Variants in ZNF610 observed in about 807,000 individuals in gnomAD.
The protein encoded by ZNF610 is zink finger protein.
Under a neutral mutation model 14.1 loss-of-function variants are expected in ZNF610, and 14 were observed. The observed-to-expected ratio is 0.99, with a 90% CI of 0.65 to 1.55. The LOEUF (loss-of-function observed/expected upper bound fraction) is 1.55, where lower values mean the gene tolerates loss of function less well. Ranked by LOEUF, ZNF610 falls within the 40% of genes most tolerant of loss-of-function variation. ZNF610 has a pLI of 0.00. For synonymous variants in ZNF610, 185 were observed against 187.6 expected, an observed-to-expected ratio of 0.99 and a Z score of 0.11; for missense variants, 530 against 558.0, an observed-to-expected ratio of 0.95 and a Z score of 0.51.
chr19:52,341,813 A>C (rs898810640), intron 1 of ZNF610, among the ~76,000 whole-genome samples: 1 of 150,520 alleles, frequency 6.6e-6, no homozygotes, highest in African/African-American at 2.4e-5. Flanking sequence ...TTATTTACTT[A>C]TTTATTTATT....
intron 2 of ZNF610, 98 bp from the exon 3 acceptor site, chr19:52,349,056 C>A: frequency 1.2e-6 from 1 of 808,076 alleles, no homozygotes; most frequent in Admixed American, 2.5e-5. Context: ...CAGAGGACAT[C>A]TTTCCGCAGG....
At chr19:52,346,084 C>G (rs557899217) in intron 1 of ZNF610, among the ~76,000 whole-genome samples, 1 of 151,502 alleles carries the variant, frequency 6.6e-6, no homozygotes, top group East Asian at 1.9e-4. Flanking sequence ...CTGCAACCTC[C>G]GCTTTCTGGG....
At chr19:52,356,928 C>T (rs1425222045) in intron 5 of ZNF610, among the ~76,000 whole-genome samples, 1 of 152,164 alleles carries the variant, frequency 6.6e-6, no homozygotes, top group East Asian at 1.9e-4. Context: ...AGTTTTACTT[C>T]CACCAATAAG....
intron 1 of ZNF610, among the ~76,000 whole-genome samples, chr19:52,346,491 T>G (rs1456386613): frequency 6.6e-6 from 1 of 151,858 alleles, no homozygotes; most frequent in Admixed American, 6.6e-5. Flanking sequence ...AGAGGCAGGG[T>G]TTTACCATTT....
rs991251132 is a variant in ZNF610, at chr19:52,365,991, G to T, written c.613G>T (p.Glu205Ter). ...CATTAGAGGAAAATCTTATGAATAT[G>T]AATGTAGTGAAGATGGTGAAGTTTT... ...AYIRGKSYEY[E>*]CSEDGEVFRV... The change falls in exon 6 of 6, where the codon GAA becomes TAA. Residue 205 changes from glutamate to a stop codon, truncating the protein, a stop_gained. Transcript: ENST00000403906. LOFTEE classifies it low-confidence loss of function (END_TRUNC). 1.9e-6 allele frequency: 3 copies of T among 1,613,994 alleles called. No individual in the cohort carries two copies. The highest frequency in any genetic ancestry group is 2.7e-5 in the African/African-American group (2 of 74,908).
intron 1 of ZNF610, among the ~76,000 whole-genome samples, chr19:52,345,915 A>G (rs974036658): frequency 6.6e-5 from 10 of 151,200 alleles, no homozygotes; most frequent in African/African-American, 2.5e-4. Context: ...CATGTTAGCC[A>G]GGATGGTCTC....
chr19:52,365,352 T>C (rs150210377), intron 5 of ZNF610, among the ~76,000 whole-genome samples: 72 of 152,318 alleles, frequency 4.7e-4, no homozygotes, highest in Middle Eastern at 6.8e-3. Flanking sequence ...CCTAGCTTTA[T>C]GCGTATATTA....
chr19:52,358,492 A>G (rs1419704353), intron 5 of ZNF610, among the ~76,000 whole-genome samples: 2 of 152,044 alleles, frequency 1.3e-5, no homozygotes, highest in African/African-American at 4.8e-5. Context: ...TCCTTTTTCT[A>G]TTTGTTAATC....
upstream of ZNF610, among the ~76,000 whole-genome samples, chr19:52,335,330 C>T (rs953327668): frequency 1.6e-4 from 25 of 152,256 alleles, 1 homozygote; most frequent in Admixed American, 1.4e-3. Flanking sequence ...GGGACAGGAC[C>T]CATCGCCGAA....
chr19:52,361,555 G>A (rs897316912), intron 5 of ZNF610, among the ~76,000 whole-genome samples: 1 of 148,028 alleles, frequency 6.8e-6, no homozygotes, highest in Non-Finnish European at 1.5e-5. Flanking sequence ...TGAGGCTTAC[G>A]CTTCATTTTT....
intron 3 of ZNF610, among the ~76,000 whole-genome samples, chr19:52,350,302 T>C (rs1985188424): frequency 6.6e-6 from 1 of 152,208 alleles, no homozygotes; most frequent in Non-Finnish European, 1.5e-5. Context: ...CTGTGCAGTT[T>C]CCCACCCTCC....
intron 1 of ZNF610, among the ~76,000 whole-genome samples, chr19:52,340,243 G>A (rs1984618009): frequency 6.6e-6 from 1 of 152,152 alleles, no homozygotes; most frequent in South Asian, 2.1e-4. Flanking sequence ...AATTAGCTGG[G>A]CGTAGTGGCT....
Position 52,366,367 on chromosome 19 carries a change from C to A in ZNF610, c.989C>A (p.Ser330Tyr), listed in dbSNP as rs1986054075. The change falls in exon 6 of 6, where the codon TCT becomes TAT. Residue 330 changes from serine to tyrosine, a missense_variant. Physicochemically the swap from Ser to Tyr is moderately radical, Grantham distance 144. Coordinates refer to ENST00000403906, the MANE Select transcript of ZNF610 (RefSeq NM_001161425.2). ...GGCAAGAACTTCAGGCACAAATTTT[C>A]TCTAACCAATCATCAGAGAAGTCAC... The part of the protein sequence containing the change: ...ECGKNFRHKF[S>Y]LTNHQRSHTA... The A allele has an allele frequency of 3.1e-6, 5 of 1,613,184 alleles. No individual in the cohort carries two copies. Among genetic ancestry groups the A allele is most frequent in the Non-Finnish European group, 4.2e-6 (5 of 1,179,788 alleles).
intron 1 of ZNF610, among the ~76,000 whole-genome samples, chr19:52,346,328 C>A (rs577356204): frequency 2.7e-5 from 4 of 150,928 alleles, no homozygotes; most frequent in Non-Finnish European, 5.9e-5. Context: ...CCATGCCCAG[C>A]TAATTTTTGT....
At chr19:52,339,576 G>C (rs1984571406) in intron 1 of ZNF610, among the ~76,000 whole-genome samples, 1 of 146,844 alleles carries the variant, frequency 6.8e-6, no homozygotes, top group Non-Finnish European at 1.5e-5. Context: ...AACACAGCAC[G>C]TGTTTCTGCG....
At chr19:52,331,668 G>A (rs967793276), upstream of ZNF610, among the ~76,000 whole-genome samples, 1 of 152,170 alleles carries the variant, frequency 6.6e-6, no homozygotes, top group Non-Finnish European at 1.5e-5. Flanking sequence ...GTTATCTAAT[G>A]AGAAATCTAG....
intron 2 of ZNF610, among the ~76,000 whole-genome samples, chr19:52,348,781 C>T (rs1476380892): frequency 1.3e-5 from 2 of 152,136 alleles, no homozygotes; most frequent in Non-Finnish European, 2.9e-5. Flanking sequence ...TGAGCACCAA[C>T]GCTCTGTGTC....
chr19:52,353,441 A>T (rs1985356469), intron 3 of ZNF610, among the ~76,000 whole-genome samples: 2 of 152,046 alleles, frequency 1.3e-5, no homozygotes. Flanking sequence ...GCAGGATTAA[A>T]CTCTTCCCAT....
intron 2 of ZNF610, 147 bp downstream of exon 2, chr19:52,348,091 C>T (rs1487827587): frequency 6.6e-6 from 1 of 152,168 alleles, no homozygotes; most frequent in African/African-American, 2.4e-5. Context: ...ACATGATGTA[C>T]AGGTTTTTAG....
Sources: gnomAD v4.1 joint callset for allele counts (sites outside exome capture counted in the v4.1 genomes callset) on GRCh38, gnomAD v4.1.1 for gene constraint, MANE v1.5 for transcripts, NCBI Gene and HGNC (gene_info 2026-07-23, HGNC 2026-07-21) for gene names.